The following SPAST variants were observed in gnomAD, a reference collection of about 807,000 sequenced individuals.
SPAST encodes the protein spastin.
In SPAST, 30 loss-of-function variants were observed where a neutral mutation model predicts 76.6. The ratio of observed to expected loss-of-function variants is 0.39; its 90% CI spans 0.29 to 0.53. The LOEUF (loss-of-function observed/expected upper bound fraction) is 0.53, where lower values mean the gene tolerates loss of function less well. Among genes scored for constraint, SPAST ranks in the 20% least tolerant of loss-of-function variants. The pLI is 0.68. For synonymous variants in SPAST, 305 were observed against 281.0 expected (o/e 1.09, Z -0.86); for missense variants, 717 against 770.5 (o/e 0.93, Z 0.82).
At chr2:32,073,676 C>G (rs1319187064) in intron 1 of SPAST, among the ~76,000 whole-genome samples, 1 of 152,148 alleles carries the variant, frequency 6.6e-6, no homozygotes, top group Non-Finnish European at 1.5e-5. Flanking sequence ...GCCAGTGAAG[C>G]TGTTAATATG....
intron 16 of SPAST, among the ~76,000 whole-genome samples, chr2:32,150,032 A>T: frequency 1.4e-5 from 2 of 145,468 alleles, no homozygotes; most frequent in Non-Finnish European, 1.5e-5. Flanking sequence ...ACCATACTTG[A>T]ATTTTTTTTT....
At chr2:32,093,638 A>G (rs906682642) in intron 3 of SPAST, among the ~76,000 whole-genome samples, 5 of 152,156 alleles carry the variant, frequency 3.3e-5, no homozygotes, top group Non-Finnish European at 5.9e-5. Flanking sequence ...CCCTGTTGGA[A>G]TATAAACTCT....
At chr2:32,146,851 CAAAAAAAAAAAAAAAAAAAAA>C (rs397984237) in intron 15 of SPAST, among the ~76,000 whole-genome samples, 1 of 19,224 alleles carries the variant, frequency 5.2e-5, no homozygotes, top group Non-Finnish European at 1.1e-4. Context: ...GACTCTGTCT[CAAAAAAAAAAAAAAAAAAAAA>C]AAAAAAAAGT....
intron 1 of SPAST, among the ~76,000 whole-genome samples, chr2:32,081,412 G>T (rs879620507): frequency 2.6e-5 from 4 of 152,122 alleles, no homozygotes; most frequent in Non-Finnish European, 5.9e-5. Context: ...GTTCTTAACT[G>T]TTCATTCATT....
At chr2:32,085,352 A>G (rs1677432550) in intron 1 of SPAST, among the ~76,000 whole-genome samples, 1 of 151,908 alleles carries the variant, frequency 6.6e-6, no homozygotes, top group Admixed American at 6.6e-5. Flanking sequence ...AGTAGATGGG[A>G]CCACAGATGT....
At chr2:32,099,126 G>C (rs1678026004) in intron 4 of SPAST, among the ~76,000 whole-genome samples, 1 of 152,250 alleles carries the variant, frequency 6.6e-6, no homozygotes, top group African/African-American at 2.4e-5. Flanking sequence ...TGGTTTTTCA[G>C]ATTATAAAAT....
In SPAST at chr2:32,133,097, A is replaced by G. The variant is rs374913211; in HGVS notation, c.1246-3466A>G. On this transcript the variant is annotated intron_variant, in intron 9 of 16. Transcript: ENST00000315285. Reference sequence around the variant, plus strand: ...TAATATTATGTAGATGTTGTGTCTCATGATCTATCCTGAGAAAGCTTTTGG... The same window carrying G: ...TAATATTATGTAGATGTTGTGTCTCGTGATCTATCCTGAGAAAGCTTTTGG... Among the ~76,000 whole-genome samples the G allele has an allele frequency of 3.7e-4, 57 of 152,200 alleles. No homozygotes were observed. In the South Asian group the frequency reaches 8.1e-3, roughly 22 times the overall value.
At chr2:32,077,399 TAATC>T (rs1013651975) in intron 1 of SPAST, among the ~76,000 whole-genome samples, 13 of 152,292 alleles carry the variant, frequency 8.5e-5, no homozygotes, top group Admixed American at 7.2e-4. Flanking sequence ...GGATTTAAGT[TAATC>T]AACAAATTTA....
chr2:32,110,451 A>G (rs775511789), intron 4 of SPAST, among the ~76,000 whole-genome samples: 26 of 145,720 alleles, frequency 1.8e-4, no homozygotes, highest in Non-Finnish European at 3.6e-4. Context: ...ACCTATAGTT[A>G]TTTTTAGTTA....
intron 9 of SPAST, among the ~76,000 whole-genome samples, chr2:32,134,770 A>C (rs866287183): frequency 2.0e-5 from 3 of 152,132 alleles, no homozygotes; most frequent in Non-Finnish European, 4.4e-5. Context: ...ATCTCGGCTC[A>C]CTGCAACCTC....
At chr2:32,138,198 A>G (rs1353865992) in intron 12 of SPAST, among the ~76,000 whole-genome samples, 3 of 152,194 alleles carry the variant, frequency 2.0e-5, no homozygotes, top group Non-Finnish European at 4.4e-5. Context: ...TTCAGGGTCA[A>G]AGGTAGATTT....
chr2:32,141,313 A>G (rs1240172435), intron 12 of SPAST, among the ~76,000 whole-genome samples: 1 of 152,108 alleles, frequency 6.6e-6, no homozygotes, highest in East Asian at 1.9e-4. Context: ...TGCCATTCCT[A>G]TGCTATCAAT....
At chr2:32,148,043 T>C (rs1245383861) in intron 16 of SPAST, among the ~76,000 whole-genome samples, 1 of 150,270 alleles carries the variant, frequency 6.7e-6, no homozygotes, top group Non-Finnish European at 1.5e-5. Flanking sequence ...AGCAGTCCTC[T>C]TGTCTCAAAC....
intron 16 of SPAST, among the ~76,000 whole-genome samples, chr2:32,153,949 T>G (rs1049387269): frequency 3.3e-5 from 5 of 152,028 alleles, no homozygotes; most frequent in African/African-American, 1.2e-4. Context: ...TGGAGGCATG[T>G]GCCTGTAATC....
At chr2:32,088,014 A>T (rs1215019043) in intron 2 of SPAST, among the ~76,000 whole-genome samples, 1 of 151,758 alleles carries the variant, frequency 6.6e-6, no homozygotes, top group African/African-American at 2.4e-5. Flanking sequence ...GAGACTCCTG[A>T]GTAGCTGGGA....
intron 1 of SPAST, among the ~76,000 whole-genome samples, chr2:32,077,103 T>C (rs1448688060): frequency 1.3e-5 from 2 of 152,130 alleles, no homozygotes; most frequent in Admixed American, 6.5e-5. Flanking sequence ...CTCGAACTCT[T>C]GACCTCATGA....
At chr2:32,091,165 C>T (rs1677698669) in intron 3 of SPAST, among the ~76,000 whole-genome samples, 1 of 151,090 alleles carries the variant, frequency 6.6e-6, no homozygotes, top group Admixed American at 6.6e-5. Context: ...GCAGGTAAAC[C>T]TTATTTATTT....
intron 1 of SPAST, among the ~76,000 whole-genome samples, chr2:32,081,363 G>A (rs1430738775): frequency 1.3e-5 from 2 of 151,822 alleles, no homozygotes; most frequent in Non-Finnish European, 2.9e-5. Context: ...CAAAGTGCTG[G>A]AATTATAGGC....
chr2:32,080,085 ATTTTTCATT>A (rs779415123), intron 1 of SPAST, among the ~76,000 whole-genome samples: 4 of 151,936 alleles, frequency 2.6e-5, no homozygotes, highest in Non-Finnish European at 5.9e-5. Context: ...CACATTTGTT[ATTTTTCATT>A]TTTTAAAATA....
Sources: gnomAD v4.1 joint callset for allele counts (sites outside exome capture counted in the v4.1 genomes callset) on GRCh38, gnomAD v4.1.1 for gene constraint, MANE v1.5 for transcripts, NCBI Gene and HGNC (gene_info 2026-07-23, HGNC 2026-07-21) for gene names.